MAST4: variants seen among roughly 807,000 people sequenced by gnomAD.
MAST4 encodes the protein microtubule associated serine/threonine kinase family member 4.
Under a neutral mutation model 162.7 loss-of-function variants are expected in MAST4, and 89 were observed. The observed-to-expected ratio is 0.55, with a 90% CI of 0.46 to 0.65. MAST4 has a LOEUF of 0.65. Among genes scored for constraint, MAST4 ranks in the 30% least tolerant of loss-of-function variants. The probability of loss-of-function intolerance (pLI) is 0.00; values close to 1 mark genes in which losing one functional copy is unlikely to be tolerated. For missense variants in MAST4, 3,153 were observed against 3,374.0 expected (o/e 0.93, Z 1.62); for synonymous variants, 1,479 against 1,361.1 (o/e 1.09, Z -1.91).
intron 1 of MAST4, among the ~76,000 whole-genome samples, chr5:66,689,520 C>T (rs4273563): frequency 0.17 from 26,438 of 152,130 alleles, 2,624 homozygotes; most frequent in East Asian, 0.31. Flanking sequence ...TACTTTCCTT[C>T]GTAAACCTAC....
intron 1 of MAST4, among the ~76,000 whole-genome samples, chr5:66,700,480 AAGACC>A (rs1561271622): frequency 6.6e-6 from 1 of 152,066 alleles, no homozygotes; most frequent in Non-Finnish European, 1.5e-5. Flanking sequence ...TCAGGAGTTC[AAGACC>A]AGCCTGGCCA....
chr5:66,782,739 C>T (rs1754934013), intron 2 of MAST4, among the ~76,000 whole-genome samples: 1 of 152,146 alleles, frequency 6.6e-6, no homozygotes, highest in South Asian at 2.1e-4. Flanking sequence ...ATAGAGCAGC[C>T]AGATTGCTAG....
chr5:66,885,327 CCA>C (rs1481309051), intron 3 of MAST4, among the ~76,000 whole-genome samples: 3 of 152,082 alleles, frequency 2.0e-5, no homozygotes, highest in Non-Finnish European at 2.9e-5. Context: ...TCAGAATTTT[CCA>C]CACTTTTTAG....
intron 1 of MAST4, among the ~76,000 whole-genome samples, chr5:66,657,430 A>C (rs866803417): frequency 3.4e-4 from 51 of 152,212 alleles, no homozygotes; most frequent in African/African-American, 1.1e-3. Flanking sequence ...TCATGGAATA[A>C]ATTTATTTCT....
At chr5:66,922,742 A>C (rs1764622909) in intron 4 of MAST4, among the ~76,000 whole-genome samples, 1 of 152,248 alleles carries the variant, frequency 6.6e-6, no homozygotes, top group Non-Finnish European at 1.5e-5. Context: ...GGATATTTTA[A>C]ATATAATTGC....
chr5:66,661,841 A>G (rs1374809260), intron 1 of MAST4, among the ~76,000 whole-genome samples: 1 of 152,228 alleles, frequency 6.6e-6, no homozygotes, highest in Non-Finnish European at 1.5e-5. Flanking sequence ...GTATTTAGCA[A>G]TGATTGAGTT....
At chr5:66,777,756 G>A (rs1754671423) in intron 2 of MAST4, among the ~76,000 whole-genome samples, 1 of 152,100 alleles carries the variant, frequency 6.6e-6, no homozygotes, top group South Asian at 2.1e-4. Flanking sequence ...GCCAGCTACT[G>A]GTCCTTAGGG....
chr5:66,632,246 T>A, intron 1 of MAST4, among the ~76,000 whole-genome samples: 1 of 152,212 alleles, frequency 6.6e-6, no homozygotes, highest in East Asian at 1.9e-4. Context: ...CAGAATTATT[T>A]CCTTAGTGTT....
chr5:66,856,437 T>C (rs915309681), intron 3 of MAST4, among the ~76,000 whole-genome samples: 1 of 152,238 alleles, frequency 6.6e-6, no homozygotes, highest in Non-Finnish European at 1.5e-5. Flanking sequence ...GGAACTTAAA[T>C]GGAGAAATCC....
intron 3 of MAST4, among the ~76,000 whole-genome samples, chr5:66,896,387 G>T (rs561820252): frequency 6.6e-6 from 1 of 152,134 alleles, no homozygotes; most frequent in Non-Finnish European, 1.5e-5. Flanking sequence ...AGTTACAGTG[G>T]TATCTGTGGG....
intron 3 of MAST4, among the ~76,000 whole-genome samples, chr5:66,887,547 C>T (rs1193660693): frequency 6.6e-6 from 1 of 152,198 alleles, no homozygotes; most frequent in Admixed American, 6.5e-5. Context: ...CATATGGAAA[C>T]AGCATCATCA....
At chr5:66,946,406 A>G (rs1489979916) in intron 4 of MAST4, among the ~76,000 whole-genome samples, 1 of 152,156 alleles carries the variant, frequency 6.6e-6, no homozygotes, top group Non-Finnish European at 1.5e-5. Flanking sequence ...TCCTAATTCT[A>G]AATTTTAGTT....
chr5:66,613,800 A>T (rs1468076146), intron 1 of MAST4, among the ~76,000 whole-genome samples: 1 of 152,206 alleles, frequency 6.6e-6, no homozygotes, highest in African/African-American at 2.4e-5. Flanking sequence ...TACTGAGGAA[A>T]AACCTAATCT....
At chr5:66,665,875 C>T (rs1747223519) in intron 1 of MAST4, among the ~76,000 whole-genome samples, 2 of 152,140 alleles carry the variant, frequency 1.3e-5, no homozygotes, top group Admixed American at 6.5e-5. Flanking sequence ...TAGAGCAGTG[C>T]CTAGCACATA....
At chr5:66,917,282 C>A in intron 4 of MAST4, 1 of 410,558 alleles carries the variant, frequency 2.4e-6, no homozygotes. Flanking sequence ...GCCCATTTTT[C>A]CATTTAGTAG....
intron 2 of MAST4, among the ~76,000 whole-genome samples, chr5:66,775,037 ATG>A (rs1420751055): frequency 4.1e-5 from 3 of 73,942 alleles, no homozygotes; most frequent in Non-Finnish European, 8.9e-5. Context: ...GTGTGTGTGT[ATG>A]TGTGTGTTTT....
chr5:67,003,457 C>T (rs1751519174), intron 4 of MAST4, among the ~76,000 whole-genome samples: 1 of 152,156 alleles, frequency 6.6e-6, no homozygotes, highest in African/African-American at 2.4e-5. Context: ...CCCCGCCTAC[C>T]TTGTCAGCTT....
chr5:66,700,408 A>G (rs1220291038), intron 1 of MAST4, among the ~76,000 whole-genome samples: 1 of 152,074 alleles, frequency 6.6e-6, no homozygotes, highest in Non-Finnish European at 1.5e-5. Flanking sequence ...TTGATATGAT[A>G]CACTTAAATG....
At chr5:67,094,052 C>T in intron 6 of MAST4, 1 of 603,364 alleles carries the variant, frequency 1.7e-6, no homozygotes, top group Non-Finnish European at 2.7e-6. Context: ...TTCAAAAGAA[C>T]ATATAATTTA....
Sources: gnomAD v4.1 joint callset for allele counts (sites outside exome capture counted in the v4.1 genomes callset) on GRCh38, gnomAD v4.1.1 for gene constraint, MANE v1.5 for transcripts, NCBI Gene and HGNC (gene_info 2026-07-23, HGNC 2026-07-21) for gene names.